ATP8B1: variants seen among roughly 807,000 people sequenced by gnomAD.
ATP8B1 encodes the protein phospholipid-transporting ATPase IC.
ATP8B1 carries 80 observed loss-of-function variants against 149.9 expected under a neutral mutation model. That is an observed-to-expected ratio of 0.53 (90% CI 0.45 to 0.64). The LOEUF is 0.64. Ranked by LOEUF, ATP8B1 falls within the 30% of genes least tolerant of loss-of-function variation. The probability of loss-of-function intolerance (pLI) is 0.00; values close to 1 mark genes in which losing one functional copy is unlikely to be tolerated. For missense variants in ATP8B1, 1,247 were observed against 1,552.6 expected, an observed-to-expected ratio of 0.80 and a Z score of 3.31; for synonymous variants, 536 against 562.8, an observed-to-expected ratio of 0.95 and a Z score of 0.67.
chr18:57,680,769 T>C lies in ATP8B1; in HGVS notation c.1630+3267A>G, dbSNP rs184684836. ...CAAAGACCCCATACTAATGCAAACC[T>C]TCAGCCTCTGTGCCAATCTCCAGTG... On this transcript the variant is annotated intron_variant, in intron 15 of 27. Transcript: ENST00000648908. Among the ~76,000 whole-genome samples the C allele has an allele frequency of 1.4e-4, 21 of 152,192 alleles. 1 individual carries two copies. The East Asian group carries it at 1.9e-3, about 14-fold the overall frequency.
chr18:57,695,494 GTGATTTCAAGTGA>G lies in ATP8B1; in HGVS notation c.724_736del (p.Ser242GlnfsTer27). 1 of 1,612,574 alleles carries G rather than the reference GTGATTTCAAGTGA, an allele frequency of 6.2e-7. No individual in the cohort carries two copies. Among genetic ancestry groups the G allele is most frequent in the Non-Finnish European group, 8.5e-7 (1 of 1,178,704 alleles). ...ATCTTCTCTTTGGAGGTACTGGTCTGTGATTTCAAGTGACATCTTAAATTTTAAATTGGTTTCT... is the reference window on the plus strand; with the variant it reads ...ATCTTCTCTTTGGAGGTACTGGTCTGCATCTTAAATTTTAAATTGGTTTCT... On this transcript the variant is annotated frameshift_variant, in exon 9 of 28. Coordinates refer to ENST00000648908, the MANE Select transcript of ATP8B1 (RefSeq NM_001374385.1). LOFTEE classifies it high-confidence loss of function.
chr18:57,750,151 A>G (rs531549135), intron 1 of ATP8B1, among the ~76,000 whole-genome samples: 1 of 152,286 alleles, frequency 6.6e-6, no homozygotes, highest in East Asian at 1.9e-4. Flanking sequence ...GCTGAAGTAC[A>G]AAAATCGCTT....
At chr18:57,758,478 T>TA (rs558042405) in intron 1 of ATP8B1, among the ~76,000 whole-genome samples, 52,257 of 144,828 alleles carry the variant, frequency 0.36, 9,278 homozygotes, top group Non-Finnish European at 0.4. Flanking sequence ...CCGTCTCTAC[T>TA]AAAAAAAAAA....
chr18:57,801,683 T>C (rs999149053), intron 1 of ATP8B1, among the ~76,000 whole-genome samples: 8 of 152,336 alleles, frequency 5.3e-5, no homozygotes, highest in Non-Finnish European at 1.2e-4. Context: ...ATCGATAACC[T>C]ACCGTGTGCC....
At chr18:57,701,172 C>A (rs770341038) in intron 5 of ATP8B1, 43 bp downstream of exon 5, 9 of 1,612,266 alleles carry the variant, frequency 5.6e-6, no homozygotes, top group Non-Finnish European at 7.6e-6. Flanking sequence ...AACTTAAAGT[C>A]AACTCAAAGC....
chr18:57,767,591 C>T (rs937560076), intron 1 of ATP8B1, among the ~76,000 whole-genome samples: 1 of 152,064 alleles, frequency 6.6e-6, no homozygotes, highest in African/African-American at 2.4e-5. Context: ...AGTTCGAGAC[C>T]AGCCTCGCTA....
Position 57,731,662 on chromosome 18 carries a change from C to T in ATP8B1, c.146G>A (p.Arg49Lys). 6.2e-7 allele frequency: 1 copy of T among 1,614,102 alleles called. No individual in the cohort carries two copies. Among genetic ancestry groups the T allele is most frequent in the Non-Finnish European group, 8.5e-7 (1 of 1,180,010 alleles). Residue 49 changes from arginine (R) to lysine (K), a missense_variant, in exon 2 of 28, where the codon AGG (arginine) becomes AAG (lysine). Arg to Lys is a conservative substitution (Grantham distance 26). This residue lies in a region of ATP8B1 where 853 missense variants were observed against 1,035.7 expected (regional missense o/e 0.82). Coordinates refer to ENST00000648908, the MANE Select transcript of ATP8B1 (RefSeq NM_001374385.1). ...AVEPEQNRVNREAEENREPFR... is the reference protein window; with the variant it reads ...AVEPEQNRVNKEAEENREPFR... ...TGGCTCCCGGTTCTCCTCTGCTTCC[C>T]TGTTGACTCGGTTTTGTTCTGGTTC... is the stretch of plus-strand genomic sequence containing the variant.
intron 13 of ATP8B1, among the ~76,000 whole-genome samples, chr18:57,686,219 G>A (rs751563375): frequency 2.6e-5 from 4 of 151,990 alleles, no homozygotes; most frequent in Non-Finnish European, 4.4e-5. Flanking sequence ...AGCTGAGATC[G>A]CACCACTGCA....
intron 12 of ATP8B1, among the ~76,000 whole-genome samples, chr18:57,690,197 T>A (rs160994): frequency 1.3e-5 from 2 of 152,328 alleles, no homozygotes; most frequent in East Asian, 1.9e-4. Flanking sequence ...TAGATACCTA[T>A]GTAAGGAATG....
Position 57,691,818 on chromosome 18 carries a change from A to G in ATP8B1, c.1209T>C (p.Ser403=), listed in dbSNP as rs759581887. 1 of 1,614,146 alleles carries G rather than the reference A, an allele frequency of 6.2e-7. No homozygotes were observed. Among genetic ancestry groups the G allele is most frequent in the Non-Finnish European group, 8.5e-7 (1 of 1,180,014 alleles). ...IIVLNTMVPI[S]LYVSVEVIRL... ...GAGGACAGCCTTACCTGACATAGAGAGAGATGGGTACCATGGTGTTGAGAA... is the reference window on the plus strand; with the variant it reads ...GAGGACAGCCTTACCTGACATAGAGGGAGATGGGTACCATGGTGTTGAGAA... Residue 403 remains serine (S), a synonymous_variant, in exon 12 of 28, where the codon TCT becomes TCC. Transcript: ENST00000648908.
In ATP8B1 at chr18:57,666,530, C is replaced by T. The variant is rs1048599702; in HGVS notation, c.2285+562G>A. Among the ~76,000 whole-genome samples, 8 of 68,424 alleles carry T rather than the reference C, an allele frequency of 1.2e-4. No individual in the cohort carries two copies. In the South Asian group the frequency reaches 3.0e-3, roughly 26 times the overall value. 44.9% of individuals were successfully genotyped at this position (68,424 alleles called of 152,430 possible). On this transcript the variant is annotated intron_variant, in intron 20 of 27. Transcript: ENST00000648908. ...TTTACGGAATTTTTAGTAGGTGAACCGAGTTTTTTTTTTTTTTTTAATGAG... is the reference window on the plus strand; with the variant it reads ...TTTACGGAATTTTTAGTAGGTGAACTGAGTTTTTTTTTTTTTTTTAATGAG...
chr18:57,656,579 G>A (rs890089136), intron 22 of ATP8B1, among the ~76,000 whole-genome samples: 1 of 151,904 alleles, frequency 6.6e-6, no homozygotes, highest in African/African-American at 2.4e-5. Flanking sequence ...GTTTCACCAT[G>A]TTGTCCAGGC....
chr18:57,696,732 G>T (rs184318294), intron 8 of ATP8B1, among the ~76,000 whole-genome samples: 1 of 152,142 alleles, frequency 6.6e-6, no homozygotes, highest in African/African-American at 2.4e-5. Context: ...GTGTGACCTT[G>T]GGCGGGCTGC....
intron 1 of ATP8B1, among the ~76,000 whole-genome samples, chr18:57,747,201 C>G (rs568776305): frequency 6.6e-6 from 1 of 152,224 alleles, no homozygotes; most frequent in East Asian, 1.9e-4. Flanking sequence ...ACCTGTAATC[C>G]CAGCACTTTG....
intron 6 of ATP8B1, 148 bp downstream of exon 6, chr18:57,700,891 T>C (rs1913083326): frequency 1.1e-6 from 1 of 893,558 alleles, no homozygotes; most frequent in Non-Finnish European, 1.8e-6. Flanking sequence ...CACTCCAGCC[T>C]GGGCGACAGA....
chr18:57,696,821 AAATG>A (rs1383775155), intron 8 of ATP8B1, among the ~76,000 whole-genome samples: 48 of 152,342 alleles, frequency 3.2e-4, no homozygotes, highest in African/African-American at 1.1e-3. Context: ...TTAGAGGATT[AAATG>A]AGCTAATATG....
chr18:57,688,616 T>C, intron 12 of ATP8B1, 109 bp from the exon 13 acceptor site: 1 of 1,105,302 alleles, frequency 9.0e-7, no homozygotes, highest in Non-Finnish European at 1.3e-6. Context: ...TTTACTGCTA[T>C]GGTCTGAATG....
intron 1 of ATP8B1, among the ~76,000 whole-genome samples, chr18:57,749,433 G>C (rs758619499): frequency 3.0e-4 from 46 of 152,274 alleles, no homozygotes; most frequent in Non-Finnish European, 2.2e-4. Flanking sequence ...TGACTCTCTT[G>C]AATGCAACTG....
At chr18:57,697,955 A>C (rs1912907673) in intron 6 of ATP8B1, 88 bp from the exon 7 acceptor site, 1 of 1,239,390 alleles carries the variant, frequency 8.1e-7, no homozygotes, top group East Asian at 2.4e-5. Flanking sequence ...TAGATTCTGG[A>C]AAATATGCAA....
Sources: allele counts gnomAD v4.1 joint callset (sites outside exome capture counted in the v4.1 genomes callset), GRCh38; gene constraint gnomAD v4.1.1; regional missense constraint gnomAD v4.1.1; transcripts MANE v1.5; gene names NCBI Gene and HGNC (gene_info 2026-07-23, HGNC 2026-07-21).